Variants in GRIK1 observed in about 807,000 individuals in gnomAD.
GRIK1 encodes glutamate ionotropic receptor kainate type subunit 1.
GRIK1 carries 69 observed loss-of-function variants against 105.7 expected under a neutral mutation model. The observed-to-expected ratio is 0.65, with a 90% CI of 0.54 to 0.80. GRIK1 has a LOEUF of 0.80. GRIK1 is among the 30% of genes least tolerant of loss of function. GRIK1 has a pLI of 0.00. For missense variants in GRIK1, 1,109 were observed against 1,167.3 expected, an observed-to-expected ratio of 0.95 and a Z score of 0.73; for synonymous variants, 438 against 431.3, an observed-to-expected ratio of 1.02 and a Z score of -0.19.
intron 1 of GRIK1, among the ~76,000 whole-genome samples, chr21:29,753,159 G>A (rs1479439048): frequency 6.6e-6 from 1 of 152,028 alleles, no homozygotes; most frequent in Non-Finnish European, 1.5e-5. Context: ...AAGAATATTG[G>A]CCCACTGTGT....
chr21:29,685,810 C>A (rs2146697299), intron 3 of GRIK1, among the ~76,000 whole-genome samples: 1 of 152,314 alleles, frequency 6.6e-6, no homozygotes, highest in African/African-American at 2.4e-5. Context: ...CCCCCGGTAT[C>A]CTACCCCTCT....
At chr21:29,589,424 C>CT (rs71822803) in intron 10 of GRIK1, among the ~76,000 whole-genome samples, 3,257 of 137,202 alleles carry the variant, frequency 0.024, 95 homozygotes, top group African/African-American at 0.067. Context: ...ACCCTTCTGG[C>CT]TTTTTTTTTT....
intron 7 of GRIK1, among the ~76,000 whole-genome samples, chr21:29,637,940 C>T (rs536566604): frequency 5.9e-5 from 9 of 152,208 alleles, no homozygotes; most frequent in African/African-American, 1.9e-4. Context: ...ATGGAACTTT[C>T]GGTTTTCCAC....
chr21:29,583,359 T>C (rs1016014296), intron 12 of GRIK1, among the ~76,000 whole-genome samples: 1 of 152,146 alleles, frequency 6.6e-6, no homozygotes, highest in Non-Finnish European at 1.5e-5. Context: ...AAAGATCCCG[T>C]TACTTAAACA....
At chr21:29,852,239 TTAAA>T (rs1199851200) in intron 1 of GRIK1, among the ~76,000 whole-genome samples, 2 of 152,212 alleles carry the variant, frequency 1.3e-5, no homozygotes, top group Non-Finnish European at 2.9e-5. Context: ...CTGACCCTAC[TTAAA>T]TAGTTAGTTC....
chr21:29,854,102 T>A (rs2068387667), intron 1 of GRIK1, among the ~76,000 whole-genome samples: 1 of 152,102 alleles, frequency 6.6e-6, no homozygotes, highest in South Asian at 2.1e-4. Flanking sequence ...TTCTGCAGGC[T>A]GTACAAGAAG....
intron 1 of GRIK1, among the ~76,000 whole-genome samples, chr21:29,800,212 G>C (rs2066665851): frequency 6.6e-6 from 1 of 152,122 alleles, no homozygotes; most frequent in Non-Finnish European, 1.5e-5. Context: ...CAAAGCACTG[G>C]CCCTTTAGCT....
chr21:29,897,505 ACCCTTGTTTCT>A (rs2070214637), intron 1 of GRIK1, among the ~76,000 whole-genome samples: 1 of 152,170 alleles, frequency 6.6e-6, no homozygotes, highest in East Asian at 1.9e-4. Flanking sequence ...ATAATTAGTT[ACCCTTGTTTCT>A]CACTTCATTG....
At chr21:29,556,168 C>T (rs1470191240) in intron 15 of GRIK1, among the ~76,000 whole-genome samples, 1 of 152,114 alleles carries the variant, frequency 6.6e-6, no homozygotes, top group Non-Finnish European at 1.5e-5. Flanking sequence ...GTCTCTACCC[C>T]GAAGTGGACA....
chr21:29,609,102 A>G (rs1360157530), intron 7 of GRIK1, among the ~76,000 whole-genome samples: 1 of 148,042 alleles, frequency 6.8e-6, no homozygotes, highest in Non-Finnish European at 1.5e-5. Context: ...ATATTATTAA[A>G]TAATAATAAA....
At chr21:29,777,986 G>A (rs1283548742) in intron 1 of GRIK1, among the ~76,000 whole-genome samples, 5 of 152,134 alleles carry the variant, frequency 3.3e-5, no homozygotes, top group Non-Finnish European at 7.3e-5. Flanking sequence ...CAGGCTGTGG[G>A]AACTGCAGCA....
intron 1 of GRIK1, among the ~76,000 whole-genome samples, chr21:29,882,215 G>A (rs1036613721): frequency 3.3e-5 from 5 of 152,006 alleles, no homozygotes; most frequent in Non-Finnish European, 1.5e-5. Context: ...TGAGTTTTGT[G>A]GTTTCATTTC....
chr21:29,589,032 T>C lies in GRIK1; in HGVS notation c.1376A>G (p.Tyr459Cys). 6.3e-7 allele frequency: 1 copy of C among 1,578,152 alleles called. No homozygotes were observed. Among genetic ancestry groups the C allele is most frequent in the South Asian group, 1.1e-5 (1 of 89,740 alleles). Residue 459 changes from tyrosine to cysteine, a missense_variant, in exon 11 of 18, where the codon TAT becomes TGT. By Grantham distance (194) the Tyr-to-Cys change is radical. Transcript: ENST00000327783. Reference sequence around the variant, plus strand: ...CTTATCAGATTTCCTGTACATAACATAGGGTTCTTCCTAAATGAAACAAAC... The same window carrying C: ...CTTATCAGATTTCCTGTACATAACACAGGGTTCTTCCTAAATGAAACAAAC... ...LIVTTILEEP[Y>C]VMYRKSDKPL...
At chr21:29,579,981 ATGTGTG>A (rs1212738964) in intron 13 of GRIK1, among the ~76,000 whole-genome samples, 334 of 143,534 alleles carry the variant, frequency 2.3e-3, no homozygotes, top group Admixed American at 3.4e-3. Context: ...ATATATATAT[ATGTGTG>A]TATATATATG....
At chr21:29,799,897 G>A (rs1177315405) in intron 1 of GRIK1, among the ~76,000 whole-genome samples, 2 of 152,120 alleles carry the variant, frequency 1.3e-5, no homozygotes, top group Non-Finnish European at 2.9e-5. Flanking sequence ...TTACTAAAGA[G>A]GTCATTTTAA....
At chr21:29,736,315 G>A (rs539066569) in intron 1 of GRIK1, among the ~76,000 whole-genome samples, 1 of 152,204 alleles carries the variant, frequency 6.6e-6, no homozygotes, top group East Asian at 1.9e-4. Flanking sequence ...CACTCAACTG[G>A]ACTCAACTGG....
intron 7 of GRIK1, among the ~76,000 whole-genome samples, chr21:29,608,328 C>A (rs940394466): frequency 2.0e-5 from 3 of 151,936 alleles, no homozygotes; most frequent in African/African-American, 7.3e-5. Context: ...TAGTGAATGG[C>A]AAAGCATGAG....
At chr21:29,640,719 C>T (rs1647984130) in intron 7 of GRIK1, among the ~76,000 whole-genome samples, 1 of 152,140 alleles carries the variant, frequency 6.6e-6, no homozygotes, top group South Asian at 2.1e-4. Context: ...TTTCATGTCA[C>T]TTCTGCCTCT....
intron 1 of GRIK1, among the ~76,000 whole-genome samples, chr21:29,840,884 G>C (rs545523677): frequency 1.3e-5 from 2 of 151,914 alleles, no homozygotes; most frequent in East Asian, 1.9e-4. Flanking sequence ...CAACAGCTGG[G>C]AAAAAAACAT....
Sources: allele counts gnomAD v4.1 joint callset (sites outside exome capture counted in the v4.1 genomes callset), GRCh38; gene constraint gnomAD v4.1.1; transcripts MANE v1.5; gene names NCBI Gene and HGNC (gene_info 2026-07-23, HGNC 2026-07-21).